The following STIP1 variants were observed in gnomAD, a reference collection of about 807,000 sequenced individuals.
STIP1 encodes stress-induced-phosphoprotein 1.
In STIP1, 16 loss-of-function variants were observed where a neutral mutation model predicts 77.4. The observed-to-expected ratio is 0.21, with a 90% CI of 0.14 to 0.31. The LOEUF is 0.31. STIP1 is among the 10% of genes least tolerant of loss of function. The probability of loss-of-function intolerance (pLI) is 1.00; values close to 1 mark genes in which losing one functional copy is unlikely to be tolerated. For synonymous variants in STIP1, 258 were observed against 246.6 expected (o/e 1.05, Z -0.44); for missense variants, 524 against 684.8 (o/e 0.77, Z 2.62).
At position 64,203,899 on chromosome 11, in the gene STIP1, A is replaced by G. The variant is rs1334753671; in HGVS notation, c.1560-155A>G. 2.5e-5 allele frequency: 23 copies of G among 919,074 alleles called. No individual in the cohort carries two copies. In the East Asian group the frequency reaches 5.1e-4, roughly 20 times the overall value. 56.9% of individuals were successfully genotyped at this position (919,074 alleles called of 1,614,324 possible). ...AGAGTAGGACTGGCAAGTTCTGCGA[A>G]GTGGAGCAGGCCTCTGCAGCTCGGC... On this transcript the variant is annotated intron_variant, in intron 13 of 13. Transcript: ENST00000305218.
intron 8 of STIP1, 75 bp from the exon 9 acceptor site, chr11:64,199,864 CT>C (rs1046224946): frequency 2.5e-6 from 4 of 1,569,364 alleles, no homozygotes; most frequent in Non-Finnish European, 3.5e-6. Context: ...CGCCCGGCCC[CT>C]AATGTGATTT....
At position 64,197,398 on chromosome 11, in the gene STIP1, G is replaced by T; in HGVS notation, c.799+1G>T. Reference sequence around the variant, plus strand: ...ATGACTTACATTACCAATCAAGCAGGTGAGGCCCAGAAACAAGGGGCAAGG... The same window carrying T: ...ATGACTTACATTACCAATCAAGCAGTTGAGGCCCAGAAACAAGGGGCAAGG... On this transcript the variant is annotated splice_donor_variant, in intron 6 of 13. Transcript: ENST00000305218. LOFTEE classifies it high-confidence loss of function. 1 of 1,614,078 alleles carries T rather than the reference G, an allele frequency of 6.2e-7. No homozygotes were observed. Among genetic ancestry groups the T allele is most frequent in the Non-Finnish European group, 8.5e-7 (1 of 1,180,016 alleles).
chr11:64,186,001 C>T (rs781586316), upstream of STIP1: 18 of 1,543,204 alleles, frequency 1.2e-5, no homozygotes, highest in East Asian at 4.4e-4. Context: ...GCGCCCAATC[C>T]TGAGGTGCGG....
intron 5 of STIP1, 169 bp downstream of exon 5, chr11:64,195,982 T>C (rs1683231983): frequency 2.3e-6 from 2 of 862,728 alleles, no homozygotes; most frequent in African/African-American, 1.7e-5. Flanking sequence ...CCTCAAGCGA[T>C]GCTCCTGCTT....
rs1169740141 is a variant in STIP1, at chr11:64,194,234, G to A, written c.265G>A (p.Glu89Lys). 6.2e-7 allele frequency: 1 copy of A among 1,614,074 alleles called. No homozygotes were observed. Among genetic ancestry groups the A allele is most frequent in the Non-Finnish European group, 8.5e-7 (1 of 1,180,052 alleles). ...AAALEFLNRF[E>K]EAKRTYEEGL... ...AGCTCTAGAGTTCTTAAACCGCTTT[G>A]AAGAAGCCAAGCGAACCTATGAGGA... The change falls in exon 3 of 14, where the codon GAA becomes AAA. Residue 89 changes from glutamate (E) to lysine (K), a missense_variant. Transcript: ENST00000305218.
chr11:64,199,558 C>G (rs541422774), intron 8 of STIP1, among the ~76,000 whole-genome samples: 1 of 145,480 alleles, frequency 6.9e-6, no homozygotes, highest in Non-Finnish European at 1.5e-5. Context: ...AATTAAAATC[C>G]TAATCTGATT....
At chr11:64,194,099 C>A in intron 2 of STIP1, 90 bp from the exon 3 acceptor site, 1 of 1,518,046 alleles carries the variant, frequency 6.6e-7, no homozygotes, top group Non-Finnish European at 8.9e-7. Flanking sequence ...CATTTTTCCC[C>A]CATAAAAGTA....
At chr11:64,199,066 G>A (rs1946184358) in intron 8 of STIP1, among the ~76,000 whole-genome samples, 1 of 151,846 alleles carries the variant, frequency 6.6e-6, no homozygotes, top group African/African-American at 2.4e-5. Context: ...TGGGCGCAGT[G>A]GCAGGCGCCT....
chr11:64,197,949 C>T lies in STIP1; in HGVS notation c.998C>T (p.Pro333Leu), dbSNP rs781768342. 7.4e-6 allele frequency: 12 copies of T among 1,613,534 alleles called. No individual in the cohort carries two copies. The highest frequency in any genetic ancestry group is 1.7e-5 in the Admixed American group (1 of 59,938). ...AAGTCTCTGGCAGAGCACCGAACCCCAGATGTGCTCAAGAAATGCCAGCAG... is the reference window on the plus strand; with the variant it reads ...AAGTCTCTGGCAGAGCACCGAACCCTAGATGTGCTCAAGAAATGCCAGCAG... Reference protein sequence around the residue: ...YNKSLAEHRTPDVLKKCQQAE... With the variant: ...YNKSLAEHRTLDVLKKCQQAE... Residue 333 changes from proline to leucine, a missense_variant, in exon 8 of 14, where the codon CCA becomes CTA. By Grantham distance (98) the Pro-to-Leu change is moderately conservative. Coordinates refer to ENST00000305218, the MANE Select transcript of STIP1 (RefSeq NM_006819.3).
intron 1 of STIP1, among the ~76,000 whole-genome samples, chr11:64,188,336 T>G (rs1358420589): frequency 7.2e-6 from 1 of 138,980 alleles, no homozygotes; most frequent in African/African-American, 2.6e-5. Flanking sequence ...AGAGTGAGAC[T>G]CCATCTCAAA....
chr11:64,195,637 A>T lies in STIP1; in HGVS notation c.504-8A>T. On this transcript the variant is annotated splice_polypyrimidine_tract_variant and splice_region_variant and intron_variant, in intron 4 of 13. Coordinates refer to ENST00000305218, the MANE Select transcript of STIP1 (RefSeq NM_006819.3). Reference sequence around the variant, plus strand: ...CAATTTTTCTTTATTTTTTTAAATCAATACTAGGAAACTACAAGATCCCCG... The same window carrying T: ...CAATTTTTCTTTATTTTTTTAAATCTATACTAGGAAACTACAAGATCCCCG... 6.3e-7 allele frequency: 1 copy of T among 1,580,116 alleles called. No individual in the cohort carries two copies. Among genetic ancestry groups the T allele is most frequent in the South Asian group, 1.2e-5 (1 of 85,224 alleles).
chr11:64,204,252 C>T lies in STIP1; in HGVS notation c.*126C>T. ...CTCATCTCTCTATATTTATACATAA[C>T]CCCGGGGAAGACACAGAGACTCGTA... On this transcript the variant is annotated 3_prime_UTR_variant, in exon 14 of 14. Transcript: ENST00000305218. The T allele has an allele frequency of 8.4e-6, 8 of 955,998 alleles. No homozygotes were observed. The highest frequency in any genetic ancestry group is 1.1e-5 in the Non-Finnish European group (7 of 640,374). The allele number at this position is 955,998 out of a possible 1,614,324, so 59.2% of individuals were successfully genotyped here.
chr11:64,193,965 C>T (rs1046035810), intron 2 of STIP1, among the ~76,000 whole-genome samples: 4 of 152,174 alleles, frequency 2.6e-5, no homozygotes, highest in African/African-American at 4.8e-5. Flanking sequence ...TGACCACAGT[C>T]GATCAGAGGT....
intron 4 of STIP1, 65 bp from the exon 5 acceptor site, chr11:64,195,580 G>A: frequency 1.4e-6 from 2 of 1,461,166 alleles, no homozygotes; most frequent in Non-Finnish European, 1.8e-6. Flanking sequence ...GTAAGTGGGA[G>A]TTAAAAGACT....
intron 1 of STIP1, among the ~76,000 whole-genome samples, chr11:64,191,520 C>T (rs935883854): frequency 6.6e-5 from 10 of 152,042 alleles, no homozygotes; most frequent in African/African-American, 2.2e-4. Flanking sequence ...GCAGGAGAAT[C>T]GCTTGAACCT....
chr11:64,185,647 G>T (rs969468322), upstream of STIP1: 9 of 826,682 alleles, frequency 1.1e-5, no homozygotes, highest in East Asian at 2.2e-4. Flanking sequence ...AAGCAACCCA[G>T]AGGCCCCGCA....
rs749866509 is a variant in STIP1, at chr11:64,194,576, G to A, written c.459G>A (p.Arg153=). 29 of 1,614,188 alleles carry A rather than the reference G, an allele frequency of 1.8e-5. No homozygotes were observed. In the South Asian group the frequency reaches 2.7e-4, roughly 15 times the overall value. ...TRTLLSDPTY[R]ELIEQLRNKP... is the part of the protein sequence containing the mutation. Reference sequence around the variant, plus strand: ...CACTACTCAGTGATCCTACCTACCGGGAGCTGATAGAGCAGCTACGAAACA... The same window carrying A: ...CACTACTCAGTGATCCTACCTACCGAGAGCTGATAGAGCAGCTACGAAACA... Residue 153 remains arginine (R), a synonymous_variant, in exon 4 of 14, where the codon CGG becomes CGA. Coordinates refer to ENST00000305218, the MANE Select transcript of STIP1 (RefSeq NM_006819.3).
upstream of STIP1, chr11:64,186,028 G>A (rs958431462): frequency 1.4e-5 from 22 of 1,545,400 alleles, no homozygotes; most frequent in Admixed American, 1.4e-4. Context: ...CAGGGTTGAG[G>A]GAATTACTCC....
Position 64,203,027 on chromosome 11 carries a change from ATCAGCAGGTG to A in STIP1, c.1283-96_1283-87del, listed in dbSNP as rs112846560. The A allele has an allele frequency of 3.7e-5, 59 of 1,596,130 alleles. 1 individual carries two copies. In the African/African-American group the frequency reaches 7.1e-4, roughly 19 times the overall value. ...GGACCTGTAGGATTTAGGATCCAAC[ATCAGCAGGTG>A]TGAACAGTGTTGGTGTGCAGGTGAA... On this transcript the variant is annotated intron_variant, in intron 11 of 13. Transcript: ENST00000305218.
Sources: allele counts gnomAD v4.1 joint callset (sites outside exome capture counted in the v4.1 genomes callset), GRCh38; gene constraint gnomAD v4.1.1; transcripts MANE v1.5; gene names NCBI Gene and HGNC (gene_info 2026-07-23, HGNC 2026-07-21).